Variants in PLXNA4 observed in about 807,000 individuals in gnomAD.
The protein encoded by PLXNA4 is plexin A4.
Under a neutral mutation model 191.8 loss-of-function variants are expected in PLXNA4, and 44 were observed. That is an observed-to-expected ratio of 0.23 (90% CI 0.18 to 0.29). PLXNA4 has a LOEUF of 0.29. Among genes scored for constraint, PLXNA4 ranks in the 10% least tolerant of loss-of-function variants. PLXNA4 has a pLI of 1.00. For synonymous variants in PLXNA4, 1,082 were observed against 1,009.5 expected (o/e 1.07, Z -1.36); for missense variants, 1,800 against 2,488.8 (o/e 0.72, Z 5.89).
At chr7:132,638,007 C>T (rs1422910449) in intron 2 of PLXNA4, among the ~76,000 whole-genome samples, 4 of 152,232 alleles carry the variant, frequency 2.6e-5, no homozygotes, top group Non-Finnish European at 5.9e-5. Flanking sequence ...CACAGCCCCA[C>T]AGTCAGCTAG....
At chr7:132,181,959 A>AGTATTCAAG (rs1796721894) in intron 17 of PLXNA4, 138 bp downstream of exon 17, 27 of 1,383,720 alleles carry the variant, frequency 2.0e-5, no homozygotes, top group African/African-American at 2.9e-5. Flanking sequence ...CCACTATCCT[A>AGTATTCAAG]GTATTCAAGG....
intron 5 of PLXNA4, among the ~76,000 whole-genome samples, chr7:132,233,215 G>C (rs1049298356): frequency 6.6e-6 from 1 of 152,146 alleles, no homozygotes; most frequent in Non-Finnish European, 1.5e-5. Context: ...ATCACATCTG[G>C]GGACCCTGAC....
At chr7:132,511,174 A>C (rs187434056) in intron 1 of PLXNA4, among the ~76,000 whole-genome samples, 16 of 152,294 alleles carry the variant, frequency 1.1e-4, no homozygotes, top group Admixed American at 9.8e-4. Context: ...GGAAGCATAG[A>C]CGAATACCAA....
intron 3 of PLXNA4, among the ~76,000 whole-genome samples, chr7:132,461,608 A>C (rs1796506804): frequency 6.6e-6 from 1 of 152,252 alleles, no homozygotes; most frequent in Admixed American, 6.5e-5. Flanking sequence ...TCAAGTCAAC[A>C]CACATCCATA....
At chr7:132,475,551 G>T (rs1797092290) in intron 3 of PLXNA4, among the ~76,000 whole-genome samples, 1 of 152,010 alleles carries the variant, frequency 6.6e-6, no homozygotes, top group African/African-American at 2.4e-5. Flanking sequence ...CACAGAACAA[G>T]AATCCAGACA....
chr7:132,292,709 G>A (rs1800938106), intron 4 of PLXNA4, among the ~76,000 whole-genome samples: 1 of 152,156 alleles, frequency 6.6e-6, no homozygotes, highest in Non-Finnish European at 1.5e-5. Flanking sequence ...CTGCCCTCCA[G>A]GAACTTATAT....
intron 10 of PLXNA4, among the ~76,000 whole-genome samples, chr7:132,204,283 A>G (rs1240477447): frequency 6.6e-6 from 1 of 152,208 alleles, no homozygotes; most frequent in Admixed American, 6.5e-5. Context: ...GATGGCCCCT[A>G]GTCTGCCTTC....
At chr7:132,457,316 T>A (rs1308661878) in intron 3 of PLXNA4, among the ~76,000 whole-genome samples, 3 of 152,248 alleles carry the variant, frequency 2.0e-5, no homozygotes, top group African/African-American at 7.2e-5. Flanking sequence ...TTTCTTCCTA[T>A]CCATTTCAGA....
intron 25 of PLXNA4, 104 bp downstream of exon 25, chr7:132,159,369 T>C: frequency 3.3e-6 from 5 of 1,525,422 alleles, no homozygotes; most frequent in Non-Finnish European, 3.5e-6. Flanking sequence ...CCAGTGATTA[T>C]TCCCCTCAGA....
intron 3 of PLXNA4, among the ~76,000 whole-genome samples, chr7:132,341,840 A>G (rs1803040675): frequency 6.6e-6 from 1 of 152,228 alleles, no homozygotes; most frequent in Non-Finnish European, 1.5e-5. Flanking sequence ...TGACAGTTAC[A>G]TAAGTGTAAA....
chr7:132,366,646 G>A (rs747175058), intron 3 of PLXNA4, among the ~76,000 whole-genome samples: 6 of 152,198 alleles, frequency 3.9e-5, no homozygotes, highest in African/African-American at 1.4e-4. Flanking sequence ...GACTGATGTT[G>A]CAGAAAAGAC....
chr7:132,532,190 C>A (rs1173695307), intron 1 of PLXNA4, among the ~76,000 whole-genome samples: 1 of 152,198 alleles, frequency 6.6e-6, no homozygotes. Flanking sequence ...ATCTAAAAAA[C>A]TAACTGGCAC....
chr7:132,404,770 AGT>A (rs1794140290), intron 3 of PLXNA4, among the ~76,000 whole-genome samples: 2 of 152,326 alleles, frequency 1.3e-5, no homozygotes, highest in South Asian at 4.1e-4. Context: ...TTCTTAGAAC[AGT>A]GCCAAGCTGG....
At chr7:132,221,986 C>T (rs896230378) in intron 9 of PLXNA4, among the ~76,000 whole-genome samples, 1 of 152,206 alleles carries the variant, frequency 6.6e-6, no homozygotes, top group Non-Finnish European at 1.5e-5. Flanking sequence ...GAATAAAATG[C>T]AATCAAAACA....
chr7:132,498,700 G>C lies in PLXNA4; in HGVS notation c.1188+8806C>G, dbSNP rs78119379. On this transcript the variant is annotated intron_variant, in intron 2 of 31. Transcript: ENST00000321063. ...GGGGGACTTGGAAAGCATCTCCCAA[G>C]GATAAGTGGGGACTATCATATGGCC... is the stretch of plus-strand genomic sequence containing the variant. Among the ~76,000 whole-genome samples, 58 of 152,262 alleles carry C rather than the reference G, an allele frequency of 3.8e-4. No individual in the cohort carries two copies. The East Asian group carries it at 9.1e-3, about 24-fold the overall frequency.
At chr7:132,325,385 GA>G (rs1802318675) in intron 3 of PLXNA4, among the ~76,000 whole-genome samples, 1 of 152,194 alleles carries the variant, frequency 6.6e-6, no homozygotes, top group Non-Finnish European at 1.5e-5. Context: ...GGGCATCTCA[GA>G]AAAACAGTTG....
chr7:132,315,617 C>A (rs1438452511), intron 3 of PLXNA4, among the ~76,000 whole-genome samples: 4 of 152,176 alleles, frequency 2.6e-5, no homozygotes, highest in Non-Finnish European at 4.4e-5. Context: ...ACCCAATACA[C>A]CTTGGCCCAC....
At chr7:132,470,233 GACCA>G (rs1361894170) in intron 3 of PLXNA4, among the ~76,000 whole-genome samples, 7 of 152,194 alleles carry the variant, frequency 4.6e-5, no homozygotes, top group Non-Finnish European at 5.9e-5. Context: ...CAGTTGTCTT[GACCA>G]GTAGAGTTCA....
intron 1 of PLXNA4, among the ~76,000 whole-genome samples, chr7:132,542,026 T>C (rs1800108989): frequency 1.3e-5 from 2 of 151,996 alleles, no homozygotes; most frequent in Admixed American, 6.5e-5. Context: ...GAAGAAGAGG[T>C]GCTTTAAAAA....
Sources: gnomAD v4.1 joint callset for allele counts (sites outside exome capture counted in the v4.1 genomes callset) on GRCh38, gnomAD v4.1.1 for gene constraint, MANE v1.5 for transcripts, NCBI Gene and HGNC (gene_info 2026-07-23, HGNC 2026-07-21) for gene names.